IMMP2L: variants seen among roughly 807,000 people sequenced by gnomAD.
The protein encoded by IMMP2L is mitochondrial inner membrane protease subunit 2.
In IMMP2L, 18 loss-of-function variants were observed where a neutral mutation model predicts 19.3. The ratio of observed to expected loss-of-function variants is 0.93; its 90% CI spans 0.64 to 1.38. IMMP2L has a LOEUF of 1.38. IMMP2L is among the 40% of genes most tolerant of loss of function. IMMP2L has a pLI of 0.00. For synonymous variants in IMMP2L, 76 were observed against 73.0 expected (o/e 1.04, Z -0.21); for missense variants, 233 against 218.2 (o/e 1.07, Z -0.43).
chr7:111,211,514 C>A (rs574559189), intron 3 of IMMP2L, among the ~76,000 whole-genome samples: 4 of 152,280 alleles, frequency 2.6e-5, no homozygotes, highest in Non-Finnish European at 4.4e-5. Flanking sequence ...TCTATTTAAT[C>A]TGTAAGAAAC....
chr7:110,826,344 C>T (rs1438437046), intron 5 of IMMP2L, among the ~76,000 whole-genome samples: 1 of 152,142 alleles, frequency 6.6e-6, no homozygotes, highest in Non-Finnish European at 1.5e-5. Context: ...CGGGTATATA[C>T]CCAAAGGTGT....
At chr7:110,720,134 T>C (rs571079791) in intron 5 of IMMP2L, among the ~76,000 whole-genome samples, 2 of 152,198 alleles carry the variant, frequency 1.3e-5, no homozygotes, top group Non-Finnish European at 2.9e-5. Flanking sequence ...TGGATGAAAC[T>C]TACAGGAGAA....
At chr7:111,225,783 C>T (rs1813022534) in intron 3 of IMMP2L, among the ~76,000 whole-genome samples, 1 of 150,842 alleles carries the variant, frequency 6.6e-6, no homozygotes, top group African/African-American at 2.4e-5. Context: ...CTTAAGAAGA[C>T]TTGTGCACAT....
At chr7:111,124,248 T>A in intron 3 of IMMP2L, 1 of 1,613,780 alleles carries the variant, frequency 6.2e-7, no homozygotes, top group Non-Finnish European at 8.5e-7. Flanking sequence ...AAGAAGGGGG[T>A]TTATATACTT....
intron 5 of IMMP2L, among the ~76,000 whole-genome samples, chr7:110,669,959 A>G (rs918573207): frequency 1.3e-5 from 2 of 152,234 alleles, no homozygotes; most frequent in Non-Finnish European, 2.9e-5. Flanking sequence ...CTTTCCTGAA[A>G]AAATAGACTC....
chr7:111,343,972 A>G (rs1262938098), intron 3 of IMMP2L, among the ~76,000 whole-genome samples: 1 of 152,056 alleles, frequency 6.6e-6, no homozygotes, highest in African/African-American at 2.4e-5. Flanking sequence ...CAACCCAAAA[A>G]GTCTCGGTAT....
At chr7:111,492,642 GA>G (rs1563262866) in intron 2 of IMMP2L, among the ~76,000 whole-genome samples, 1 of 152,094 alleles carries the variant, frequency 6.6e-6, no homozygotes, top group Non-Finnish European at 1.5e-5. Context: ...TTCCCTTATA[GA>G]ATCACTCAAA....
intron 1 of IMMP2L, among the ~76,000 whole-genome samples, chr7:111,527,171 C>T (rs1185637017): frequency 2.0e-5 from 3 of 152,002 alleles, no homozygotes; most frequent in East Asian, 1.9e-4. Context: ...CAAGAAGGGG[C>T]TTATTTGGGA....
intron 3 of IMMP2L, among the ~76,000 whole-genome samples, chr7:111,306,874 T>C (rs947176035): frequency 3.0e-4 from 46 of 151,850 alleles, no homozygotes; most frequent in Non-Finnish European, 5.7e-4. Context: ...ACTATATTGA[T>C]TGTCAATATA....
chr7:111,385,304 C>T (rs568442077), intron 3 of IMMP2L, among the ~76,000 whole-genome samples: 14 of 152,218 alleles, frequency 9.2e-5, no homozygotes, highest in South Asian at 6.2e-4. Flanking sequence ...ATTTGCATTG[C>T]TTACACTCCT....
chr7:111,492,375 A>G (rs898157129), intron 2 of IMMP2L: 3 of 983,536 alleles, frequency 3.1e-6, no homozygotes, highest in African/African-American at 1.7e-5. Flanking sequence ...TAGAAGACTC[A>G]TAAGTCAGGT....
chr7:111,531,144 A>ACAGGGTTTCACCATGTTAGC (rs1847356936), intron 1 of IMMP2L, among the ~76,000 whole-genome samples: 2 of 152,008 alleles, frequency 1.3e-5, no homozygotes, highest in South Asian at 4.2e-4. Context: ...TTTAGTAGAA[A>ACAGGGTTTCACCATGTTAGC]CAGGGTTTCA....
intron 5 of IMMP2L, among the ~76,000 whole-genome samples, chr7:110,775,119 T>C (rs957325417): frequency 6.6e-6 from 1 of 152,088 alleles, no homozygotes; most frequent in African/African-American, 2.4e-5. Flanking sequence ...TTTATGCATA[T>C]AGAAAATATG....
intron 5 of IMMP2L, among the ~76,000 whole-genome samples, chr7:110,717,340 C>A (rs971879936): frequency 6.6e-6 from 1 of 152,164 alleles, no homozygotes; most frequent in Admixed American, 6.5e-5. Context: ...TAGCGGGTGT[C>A]TGTAGTCCCA....
chr7:111,372,786 T>C (rs1830368277), intron 3 of IMMP2L, among the ~76,000 whole-genome samples: 1 of 152,076 alleles, frequency 6.6e-6, no homozygotes, highest in South Asian at 2.1e-4. Flanking sequence ...AACACTAGTT[T>C]TGCACTAGCA....
intron 3 of IMMP2L, among the ~76,000 whole-genome samples, chr7:111,068,641 A>G (rs1794705568): frequency 1.3e-5 from 2 of 152,194 alleles, no homozygotes; most frequent in Admixed American, 1.3e-4. Context: ...TATTGTTTTT[A>G]TTATTTATAA....
At chr7:111,390,103 C>T (rs529810119) in intron 3 of IMMP2L, among the ~76,000 whole-genome samples, 1 of 152,264 alleles carries the variant, frequency 6.6e-6, no homozygotes, top group South Asian at 2.1e-4. Context: ...TCACTCATGG[C>T]CCATATATGG....
At chr7:111,201,799 T>C (rs1001185889) in intron 3 of IMMP2L, among the ~76,000 whole-genome samples, 2 of 151,804 alleles carry the variant, frequency 1.3e-5, no homozygotes, top group African/African-American at 4.8e-5. Context: ...ATGAATGAGA[T>C]TAGTGCCCTT....
intron 3 of IMMP2L, among the ~76,000 whole-genome samples, chr7:111,030,515 GGAAGTCAGA>G (rs1346236092): frequency 6.6e-6 from 1 of 152,056 alleles, no homozygotes; most frequent in East Asian, 1.9e-4. Flanking sequence ...ACAAACATGA[GGAAGTCAGA>G]GAAGATGCCA....
Sources: allele counts gnomAD v4.1 joint callset (sites outside exome capture counted in the v4.1 genomes callset), GRCh38; gene constraint gnomAD v4.1.1; transcripts MANE v1.5; gene names NCBI Gene and HGNC (gene_info 2026-07-23, HGNC 2026-07-21).